MTF2: variants seen among roughly 807,000 people sequenced by gnomAD.
MTF2 encodes the protein metal-response element-binding transcription factor 2.
MTF2 carries 11 observed loss-of-function variants against 79.5 expected under a neutral mutation model. The ratio of observed to expected loss-of-function variants is 0.14; its 90% CI spans 0.09 to 0.23. The LOEUF (loss-of-function observed/expected upper bound fraction) is 0.23, where lower values mean the gene tolerates loss of function less well. MTF2 is among the 10% of genes least tolerant of loss of function. MTF2 has a pLI of 1.00. For synonymous variants in MTF2, 208 were observed against 232.8 expected, an observed-to-expected ratio of 0.89 and a Z score of 0.97; for missense variants, 486 against 711.2, an observed-to-expected ratio of 0.68 and a Z score of 3.60.
chr1:93,120,071 T>G (rs1656409064), intron 8 of MTF2: 1 of 152,402 alleles, frequency 6.6e-6, no homozygotes. Context: ...TCTCCTGAGG[T>G]CTGGAGTTTA....
intron 1 of MTF2, among the ~76,000 whole-genome samples, chr1:93,086,794 G>A (rs779817864): frequency 1.3e-5 from 2 of 152,122 alleles, no homozygotes; most frequent in Non-Finnish European, 2.9e-5. Flanking sequence ...CTTTGAAAAT[G>A]TATACTACAG....
intron 6 of MTF2, 144 bp downstream of exon 6, chr1:93,115,762 C>T (rs1423196305): frequency 1.8e-6 from 1 of 559,544 alleles, no homozygotes; most frequent in Non-Finnish European, 2.8e-6. Flanking sequence ...CTATTATTTT[C>T]ATAAAAAAAT....
chr1:93,123,420 A>G (rs1235361274), intron 9 of MTF2, among the ~76,000 whole-genome samples: 3 of 151,996 alleles, frequency 2.0e-5, no homozygotes, highest in African/African-American at 4.8e-5. Flanking sequence ...CTAGAAATTT[A>G]TCTTCAAAAA....
chr1:93,109,571 G>A (rs981700580), intron 1 of MTF2, among the ~76,000 whole-genome samples: 1 of 152,102 alleles, frequency 6.6e-6, no homozygotes, highest in Non-Finnish European at 1.5e-5. Context: ...CTGGCCTCAG[G>A]TGATCCACCC....
chr1:93,123,201 C>G (rs1392881737), intron 9 of MTF2, among the ~76,000 whole-genome samples: 1 of 143,150 alleles, frequency 7.0e-6, no homozygotes, highest in East Asian at 2.0e-4. Flanking sequence ...TTTTGAACAT[C>G]AGCTCTTTCT....
intron 1 of MTF2, chr1:93,080,895 C>T: frequency 6.6e-6 from 1 of 151,986 alleles, no homozygotes; most frequent in African/African-American, 2.4e-5. Flanking sequence ...GTTGTTTTGA[C>T]TGATGGCTTT....
chr1:93,121,483 G>C, intron 9 of MTF2: 1 of 983,184 alleles, frequency 1.0e-6, no homozygotes, highest in Non-Finnish European at 1.2e-6. Context: ...TTTGCACACT[G>C]ATTTGAAGTT....
chr1:93,108,925 G>T (rs2101054906), intron 1 of MTF2, among the ~76,000 whole-genome samples: 1 of 152,210 alleles, frequency 6.6e-6, no homozygotes, highest in East Asian at 1.9e-4. Flanking sequence ...TGTCCATTTT[G>T]TCTGGCTTAT....
intron 8 of MTF2, chr1:93,120,333 T>A: frequency 1.1e-5 from 3 of 284,472 alleles, no homozygotes; most frequent in African/African-American, 2.3e-5. Context: ...AAGTAATTCA[T>A]ATATCTTCTA....
rs1647432962 is a variant in MTF2 at position 93,137,080 on chromosome 1, T to A, written c.*53T>A. On this transcript the variant is annotated 3_prime_UTR_variant, in exon 15 of 15. Coordinates refer to ENST00000370298, the MANE Select transcript of MTF2 (RefSeq NM_007358.4). ...CACTCTGATTTTCTGTAGGTACAGT[T>A]CAAAGCCCTAAAGGAGTCTGGCTTT... 6.7e-7 allele frequency: 1 copy of A among 1,482,404 alleles called. No homozygotes were observed. 91.8% of individuals were successfully genotyped at this position (1,482,404 alleles called of 1,614,324 possible).
chr1:93,097,495 T>A (rs1385065256), intron 1 of MTF2, among the ~76,000 whole-genome samples: 5 of 152,324 alleles, frequency 3.3e-5, no homozygotes, highest in African/African-American at 9.6e-5. Context: ...ATGATTATTT[T>A]AAAAAACTTG....
In MTF2 at chr1:93,123,214, T is replaced by C. The variant is rs1048573052; in HGVS notation, c.921+2542T>C. Among the ~76,000 whole-genome samples, 301 of 149,294 alleles carry C rather than the reference T, an allele frequency of 2.0e-3. 5 individuals are homozygous for C. The East Asian group carries it at 0.045, about 22-fold the overall frequency. ...CATTTTGAACATCAGCTCTTTCTTT[T>C]TTTTTTTTTTTTTTTTTAAGAGACA... is the stretch of plus-strand genomic sequence containing the variant. On this transcript the variant is annotated intron_variant, in intron 9 of 14. Coordinates refer to ENST00000370298, the MANE Select transcript of MTF2 (RefSeq NM_007358.4).
chr1:93,110,652 A>G, intron 3 of MTF2, 26 bp downstream of exon 3: 2 of 1,541,380 alleles, frequency 1.3e-6, no homozygotes, highest in Non-Finnish European at 1.8e-6. Context: ...TCTCTTGAAC[A>G]TGATTTAAAT....
intron 1 of MTF2, among the ~76,000 whole-genome samples, chr1:93,088,694 T>A (rs1188152148): frequency 1.3e-5 from 2 of 152,190 alleles, no homozygotes; most frequent in Admixed American, 1.3e-4. Flanking sequence ...GCCACCCAAG[T>A]AGCTGGGATT....
At chr1:93,114,852 A>G (rs911966311) in intron 4 of MTF2, 69 bp downstream of exon 4, 4 of 1,323,548 alleles carry the variant, frequency 3.0e-6, no homozygotes, top group Non-Finnish European at 4.2e-6. Flanking sequence ...GACTAAAAAT[A>G]CTTTACATTG....
In MTF2 at chr1:93,091,467, A is replaced by T. The variant is rs1461248337; in HGVS notation, c.5+11936A>T. ...CACTTCAGCCTCCCAAAGTGCTGGG[A>T]TTATAGGTGACAGCCACTGTGCTTA... is the stretch of plus-strand genomic sequence containing the variant. On this transcript the variant is annotated intron_variant, in intron 1 of 14. Transcript: ENST00000370298. 2.0e-5 allele frequency among the ~76,000 whole-genome samples: 3 copies of T among 152,260 alleles called. No individual in the cohort carries two copies. In the South Asian group the frequency reaches 6.2e-4, roughly 32 times the overall value.
chr1:93,081,136 A>G (rs1299858544), intron 1 of MTF2: 1 of 152,208 alleles, frequency 6.6e-6, no homozygotes, highest in Non-Finnish European at 1.5e-5. Flanking sequence ...TCAGGATGAA[A>G]TGCATACACA....
chr1:93,079,642 T>TGGGGGG, intron 1 of MTF2, 111 bp downstream of exon 1: 1 of 1,049,302 alleles, frequency 9.5e-7, no homozygotes, highest in Admixed American at 2.4e-5. Context: ...AAGGTGGGGG[T>TGGGGGG]GGGGGCTCCT....
At chr1:93,120,782 A>T in intron 9 of MTF2, 110 bp downstream of exon 9, 2 of 1,498,786 alleles carry the variant, frequency 1.3e-6, no homozygotes, top group South Asian at 2.7e-5. Context: ...CTAAAATAGA[A>T]TTTTATTTTT....
Sources: gnomAD v4.1 joint callset for allele counts (sites outside exome capture counted in the v4.1 genomes callset) on GRCh38, gnomAD v4.1.1 for gene constraint, MANE v1.5 for transcripts, NCBI Gene and HGNC (gene_info 2026-07-23, HGNC 2026-07-21) for gene names.